The following MINDY3 variants were observed in gnomAD, a reference collection of about 807,000 sequenced individuals.
MINDY3 encodes the protein ubiquitin carboxyl-terminal hydrolase MINDY-3.
In MINDY3, 38 loss-of-function variants were observed where a neutral mutation model predicts 69.2. That is an observed-to-expected ratio of 0.55 (90% CI 0.42 to 0.72). The LOEUF (loss-of-function observed/expected upper bound fraction) is 0.72. Among genes scored for constraint, MINDY3 ranks in the 30% least tolerant of loss-of-function variants. The probability of loss-of-function intolerance (pLI) is 0.00; values close to 1 mark genes in which losing one functional copy is unlikely to be tolerated. For missense variants in MINDY3, 522 were observed against 519.0 expected (o/e 1.01, Z -0.06); for synonymous variants, 192 against 180.1 (o/e 1.07, Z -0.53).
At chr10:15,859,309 A>G (rs1313876446) in intron 1 of MINDY3, among the ~76,000 whole-genome samples, 1 of 152,162 alleles carries the variant, frequency 6.6e-6, no homozygotes, top group African/African-American at 2.4e-5. Flanking sequence ...TTCCCTAAAT[A>G]GATGTTTTAA....
At chr10:15,801,362 A>G (rs534836022) in intron 10 of MINDY3, among the ~76,000 whole-genome samples, 83 of 152,234 alleles carry the variant, frequency 5.5e-4, no homozygotes, top group African/African-American at 1.5e-3. Flanking sequence ...CCAGCTGCCA[A>G]TCTTTTGGCT....
intron 10 of MINDY3, among the ~76,000 whole-genome samples, chr10:15,801,983 G>A (rs1370603003): frequency 3.3e-5 from 5 of 151,886 alleles, no homozygotes; most frequent in African/African-American, 1.2e-4. Flanking sequence ...CGTAGAAGAA[G>A]CAGGGCCAGA....
intron 10 of MINDY3, 103 bp from the exon 11 acceptor site, chr10:15,796,275 A>G (rs770341170): frequency 1.2e-6 from 1 of 844,472 alleles, no homozygotes; most frequent in Non-Finnish European, 2.0e-6. Context: ...GAGTCAGAAG[A>G]CTTTGAGTTA....
At chr10:15,805,469 C>G (rs1838571901) in intron 10 of MINDY3, among the ~76,000 whole-genome samples, 1 of 152,062 alleles carries the variant, frequency 6.6e-6, no homozygotes, top group Non-Finnish European at 1.5e-5. Context: ...AAAGTTAGGA[C>G]TCTTTGTATC....
At chr10:15,783,141 A>G (rs977765425) in intron 13 of MINDY3, among the ~76,000 whole-genome samples, 16 of 152,188 alleles carry the variant, frequency 1.1e-4, no homozygotes, top group Non-Finnish European at 2.1e-4. Flanking sequence ...GGCTGTGAGA[A>G]TGTAGCCACT....
intron 10 of MINDY3, among the ~76,000 whole-genome samples, chr10:15,796,394 A>G (rs1356733046): frequency 6.6e-6 from 1 of 151,990 alleles, no homozygotes; most frequent in Non-Finnish European, 1.5e-5. Flanking sequence ...TGTTGTGAAT[A>G]ATACATGTGG....
At chr10:15,793,522 A>T (rs1837576166) in intron 11 of MINDY3, among the ~76,000 whole-genome samples, 1 of 152,172 alleles carries the variant, frequency 6.6e-6, no homozygotes, top group African/African-American at 2.4e-5. Context: ...GAGAATATCA[A>T]ATCCTTACTC....
chr10:15,792,825 A>G (rs192819637), intron 11 of MINDY3, among the ~76,000 whole-genome samples: 2 of 152,238 alleles, frequency 1.3e-5, no homozygotes, highest in East Asian at 3.9e-4. Flanking sequence ...ACCTGTGATT[A>G]GCAGTTCAGA....
intron 8 of MINDY3, among the ~76,000 whole-genome samples, chr10:15,823,026 CATTAGGA>C (rs771561081): frequency 8.6e-5 from 13 of 151,780 alleles, no homozygotes; most frequent in Non-Finnish European, 1.6e-4. Flanking sequence ...TCCATTTTTC[CATTAGGA>C]TATATTTTCT....
intron 10 of MINDY3, among the ~76,000 whole-genome samples, chr10:15,804,777 TC>T (rs1838515357): frequency 6.6e-6 from 1 of 152,152 alleles, no homozygotes; most frequent in African/African-American, 2.4e-5. Flanking sequence ...TTACATCATC[TC>T]AAAACACAGA....
At chr10:15,825,130 A>C (rs1034992976) in intron 8 of MINDY3, among the ~76,000 whole-genome samples, 7 of 151,950 alleles carry the variant, frequency 4.6e-5, no homozygotes, top group South Asian at 2.1e-4. Context: ...TGAAATCCGA[A>C]ATGTTCCAAG....
chr10:15,844,527 T>A (rs1833697310), intron 2 of MINDY3, among the ~76,000 whole-genome samples: 1 of 152,232 alleles, frequency 6.6e-6, no homozygotes, highest in South Asian at 2.1e-4. Flanking sequence ...TCACTACTTG[T>A]CTATCAAGCT....
rs78547190 is a variant in MINDY3, at chr10:15,786,653, G to C, written c.1029-5C>G. 4.6e-6 allele frequency: 7 copies of C among 1,523,766 alleles called. No individual in the cohort carries two copies. The highest frequency in any genetic ancestry group is 1.2e-5 in the South Asian group (1 of 85,540). The allele number at this position is 1,523,766 out of a possible 1,614,324, so 94.4% of individuals were successfully genotyped here. On this transcript the variant is annotated splice_region_variant and splice_polypyrimidine_tract_variant and intron_variant, in intron 12 of 14. Transcript: ENST00000277632. Reference sequence around the variant, plus strand: ...TTATTCTTCATGAGATTTATACTACGGGGAGAAAGAAGAAAAACAGTGGAT... The same window carrying C: ...TTATTCTTCATGAGATTTATACTACCGGGAGAAAGAAGAAAAACAGTGGAT...
intron 10 of MINDY3, 85 bp downstream of exon 10, chr10:15,816,750 G>T: frequency 2.1e-6 from 2 of 930,718 alleles, no homozygotes; most frequent in Non-Finnish European, 3.4e-6. Context: ...ACTGAAGTTT[G>T]CACAAAGATC....
intron 10 of MINDY3, among the ~76,000 whole-genome samples, chr10:15,809,559 T>C (rs961875005): frequency 6.6e-6 from 1 of 152,110 alleles, no homozygotes; most frequent in African/African-American, 2.4e-5. Context: ...GCTTGGAAAG[T>C]TCTCCATCGT....
At chr10:15,785,071 C>A (rs1030475943) in intron 13 of MINDY3, among the ~76,000 whole-genome samples, 6 of 152,094 alleles carry the variant, frequency 3.9e-5, no homozygotes, top group Non-Finnish European at 8.8e-5. Flanking sequence ...AGGGAGAAAC[C>A]TGAGAATTAG....
intron 10 of MINDY3, among the ~76,000 whole-genome samples, chr10:15,814,994 T>G (rs547308431): frequency 6.6e-6 from 1 of 152,350 alleles, no homozygotes; most frequent in Admixed American, 6.5e-5. Context: ...TTATAAAATT[T>G]AAGATTTAAA....
chr10:15,823,508 CTTAAT>C (rs1839904466), intron 8 of MINDY3, among the ~76,000 whole-genome samples: 1 of 152,056 alleles, frequency 6.6e-6, no homozygotes, highest in African/African-American at 2.4e-5. Flanking sequence ...CGTCACTCTC[CTTAAT>C]TTTTGTTAAG....
chr10:15,853,178 T>C (rs1021797620), intron 1 of MINDY3, among the ~76,000 whole-genome samples: 1 of 152,030 alleles, frequency 6.6e-6, no homozygotes, highest in Non-Finnish European at 1.5e-5. Context: ...TTTTGTAGAC[T>C]GAAGGGTGTG....
Sources: allele counts gnomAD v4.1 joint callset (sites outside exome capture counted in the v4.1 genomes callset), GRCh38; gene constraint gnomAD v4.1.1; transcripts MANE v1.5; gene names NCBI Gene and HGNC (gene_info 2026-07-23, HGNC 2026-07-21).